LRMDA: variants seen among roughly 807,000 people sequenced by gnomAD.
The protein encoded by LRMDA is leucine rich melanocyte differentiation associated.
LRMDA carries 18 observed loss-of-function variants against 29.8 expected under a neutral mutation model. The observed-to-expected ratio is 0.60, with a 90% CI of 0.42 to 0.90. The LOEUF is 0.90. Among genes scored for constraint, LRMDA ranks in the 40% least tolerant of loss-of-function variants. The probability of loss-of-function intolerance (pLI) is 0.00; values close to 1 mark genes in which losing one functional copy is unlikely to be tolerated. For synonymous variants in LRMDA, 125 were observed against 109.4 expected (o/e 1.14, Z -0.89); for missense variants, 273 against 273.9 (o/e 1.00, Z 0.02).
chr10:76,345,130 G>C (rs370243081), intron 6 of LRMDA, among the ~76,000 whole-genome samples: 1 of 138,130 alleles, frequency 7.2e-6, no homozygotes, highest in African/African-American at 2.7e-5. Context: ...GCAGTGGCGC[G>C]ATCTCGGCTC....
At chr10:76,227,476 A>C (rs542417566) in intron 5 of LRMDA, among the ~76,000 whole-genome samples, 4 of 152,320 alleles carry the variant, frequency 2.6e-5, no homozygotes, top group African/African-American at 7.2e-5. Flanking sequence ...TTTTTCCATC[A>C]GTGGAAATCT....
chr10:75,645,633 T>TG (rs1564529796), intron 2 of LRMDA, among the ~76,000 whole-genome samples: 2 of 151,946 alleles, frequency 1.3e-5, no homozygotes, highest in Admixed American at 1.3e-4. Flanking sequence ...AGAGTCCTGG[T>TG]GGGGGAAACT....
intron 5 of LRMDA, among the ~76,000 whole-genome samples, chr10:76,132,854 G>A (rs1408388454): frequency 6.6e-6 from 1 of 151,454 alleles, no homozygotes; most frequent in Admixed American, 6.6e-5. Context: ...CCAGGTTGGA[G>A]TGCAGTGGCA....
chr10:75,971,745 G>A (rs1846975502), intron 2 of LRMDA, among the ~76,000 whole-genome samples: 1 of 152,078 alleles, frequency 6.6e-6, no homozygotes, highest in Admixed American at 6.6e-5. Flanking sequence ...CTTAATAAAG[G>A]CATTCCTTTC....
intron 6 of LRMDA, among the ~76,000 whole-genome samples, chr10:76,334,821 G>A (rs536107016): frequency 1.0e-3 from 156 of 152,294 alleles, no homozygotes; most frequent in African/African-American, 3.7e-3. Flanking sequence ...TTTCATGAGA[G>A]CCGTAACATG....
intron 5 of LRMDA, among the ~76,000 whole-genome samples, chr10:76,063,928 GGT>G (rs1292133244): frequency 2.0e-5 from 3 of 152,256 alleles, no homozygotes; most frequent in African/African-American, 7.2e-5. Flanking sequence ...TCGCCCCTGG[GGT>G]GCCAGCTCCA....
rs1849142703 is a variant in LRMDA at position 76,086,740 on chromosome 10, G to A, written c.516+27957G>A. ...TGAGCTTTCAGTCCTGATAGGTCAT[G>A]GATATAAATGGATGGCAGCTGCTAG... is the stretch of plus-strand genomic sequence containing the variant. On this transcript the variant is annotated intron_variant, in intron 5 of 6. Transcript: ENST00000611255. Among the ~76,000 whole-genome samples the A allele has an allele frequency of 2.0e-5, 3 of 152,284 alleles. No homozygotes were observed. In the South Asian group the frequency reaches 6.2e-4, roughly 32 times the overall value.
At chr10:76,020,212 A>G (rs949980955) in intron 2 of LRMDA, among the ~76,000 whole-genome samples, 30 of 152,188 alleles carry the variant, frequency 2.0e-4, no homozygotes, top group Non-Finnish European at 1.0e-4. Flanking sequence ...TGTCTGTACT[A>G]TAAGCGTGTG....
intron 6 of LRMDA, among the ~76,000 whole-genome samples, chr10:76,456,790 T>A (rs1034805734): frequency 1.3e-5 from 2 of 152,204 alleles, no homozygotes; most frequent in Non-Finnish European, 2.9e-5. Context: ...AGAGGTGTTC[T>A]TTTCTAGCTC....
At chr10:76,440,396 A>C (rs1842289152) in intron 6 of LRMDA, among the ~76,000 whole-genome samples, 1 of 152,174 alleles carries the variant, frequency 6.6e-6, no homozygotes, top group South Asian at 2.1e-4. Context: ...TGAGGGTATT[A>C]CTTCTCACCC....
At chr10:76,485,528 A>G (rs1222740720) in intron 6 of LRMDA, among the ~76,000 whole-genome samples, 1 of 151,906 alleles carries the variant, frequency 6.6e-6, no homozygotes, top group African/African-American at 2.4e-5. Context: ...TTAACCAAGG[A>G]GTTATCTTTT....
intron 5 of LRMDA, among the ~76,000 whole-genome samples, chr10:76,067,234 T>C (rs1848799353): frequency 1.3e-5 from 2 of 152,200 alleles, no homozygotes; most frequent in Non-Finnish European, 2.9e-5. Flanking sequence ...CTGTCTCGTT[T>C]TAAGGAGTAA....
intron 2 of LRMDA, among the ~76,000 whole-genome samples, chr10:75,869,024 A>C (rs1393051700): frequency 6.6e-6 from 1 of 152,208 alleles, no homozygotes; most frequent in Non-Finnish European, 1.5e-5. Context: ...GGCCAAGTTG[A>C]GTGCCCCTGA....
At chr10:75,525,735 T>C (rs533315340) in intron 2 of LRMDA, among the ~76,000 whole-genome samples, 72 of 151,958 alleles carry the variant, frequency 4.7e-4, no homozygotes, top group Admixed American at 1.4e-3. Context: ...TGTTTTCCTA[T>C]GTTTATCTCA....
At chr10:76,320,791 C>A (rs932333475) in intron 5 of LRMDA, among the ~76,000 whole-genome samples, 1 of 152,198 alleles carries the variant, frequency 6.6e-6, no homozygotes, top group Non-Finnish European at 1.5e-5. Context: ...TCCTTTCTCT[C>A]CACATCACAC....
At chr10:75,952,153 C>T (rs553599945) in intron 2 of LRMDA, among the ~76,000 whole-genome samples, 4 of 152,278 alleles carry the variant, frequency 2.6e-5, no homozygotes, top group Admixed American at 6.5e-5. Context: ...TGTGTTGGGC[C>T]TCAAAGTTTG....
rs570851790 is a variant in LRMDA, at chr10:76,259,276, T to C, written c.517-65125T>C. The stretch of plus-strand genomic sequence containing the variant: ...TTCGTATGTCTTCTTTTGAGCAATG[T>C]CTGTTTAGATCATTTGCCTATTTTC... On this transcript the variant is annotated intron_variant, in intron 5 of 6. Coordinates refer to ENST00000611255, the MANE Select transcript of LRMDA (RefSeq NM_001305581.2). Among the ~76,000 whole-genome samples the C allele has an allele frequency of 4.6e-5, 7 of 152,280 alleles. No individual in the cohort carries two copies. The East Asian group carries it at 1.3e-3, about 29-fold the overall frequency.
chr10:75,949,698 A>G (rs1846539721), intron 2 of LRMDA, among the ~76,000 whole-genome samples: 2 of 152,138 alleles, frequency 1.3e-5, no homozygotes, highest in South Asian at 2.1e-4. Context: ...GCTTGTGATG[A>G]TCTACCTCAG....
At chr10:76,060,601 C>T (rs1280654423) in intron 5 of LRMDA, among the ~76,000 whole-genome samples, 1 of 152,192 alleles carries the variant, frequency 6.6e-6, no homozygotes, top group African/African-American at 2.4e-5. Context: ...TTTCTCACCC[C>T]TGGAGCAGTG....
Sources: allele counts gnomAD v4.1 joint callset (sites outside exome capture counted in the v4.1 genomes callset), GRCh38; gene constraint gnomAD v4.1.1; transcripts MANE v1.5; gene names NCBI Gene and HGNC (gene_info 2026-07-23, HGNC 2026-07-21).